CNTN4: variants seen among roughly 807,000 people sequenced by gnomAD.
CNTN4 encodes the protein contactin 4, also known as contactin-4.
A neutral mutation model predicts 122.5 loss-of-function variants in CNTN4; 77 were observed. That is an observed-to-expected ratio of 0.63 (90% CI 0.52 to 0.76). The LOEUF (loss-of-function observed/expected upper bound fraction) is 0.76, where lower values mean the gene tolerates loss of function less well. Ranked by LOEUF, CNTN4 falls within the 30% of genes least tolerant of loss-of-function variation. The pLI, the probability that CNTN4 is intolerant of heterozygous loss-of-function variation, is 0.00. For synonymous variants in CNTN4, 512 were observed against 447.0 expected (o/e 1.15, Z -1.83); for missense variants, 1,256 against 1,259.1 (o/e 1.00, Z 0.04).
intron 3 of CNTN4, among the ~76,000 whole-genome samples, chr3:2,560,681 C>G (rs79605684): frequency 0.061 from 9,319 of 152,190 alleles, 343 homozygotes; most frequent in Middle Eastern, 0.099. Flanking sequence ...TCTACAAAGA[C>G]CATTTATGTT....
At chr3:2,473,231 CA>C (rs769320613) in intron 3 of CNTN4, among the ~76,000 whole-genome samples, 7 of 51,362 alleles carry the variant, frequency 1.4e-4, no homozygotes, top group East Asian at 6.4e-4. Context: ...AACTCCATCT[CA>C]AAAAAAAAAA....
intron 3 of CNTN4, among the ~76,000 whole-genome samples, chr3:2,529,119 C>G (rs2077504251): frequency 6.6e-6 from 1 of 152,034 alleles, no homozygotes; most frequent in Admixed American, 6.6e-5. Flanking sequence ...CCCACTCTTC[C>G]CAGCCTCTAA....
At chr3:2,112,227 A>G (rs558631973) in intron 2 of CNTN4, among the ~76,000 whole-genome samples, 2 of 152,300 alleles carry the variant, frequency 1.3e-5, no homozygotes, top group African/African-American at 4.8e-5. Flanking sequence ...CCATCTTGCC[A>G]TCCTGTAAAA....
chr3:2,934,591 T>G (rs2094552098), intron 13 of CNTN4, among the ~76,000 whole-genome samples: 1 of 152,258 alleles, frequency 6.6e-6, no homozygotes, highest in South Asian at 2.1e-4. Flanking sequence ...AAGTAAAGTT[T>G]ATTGCTTCAG....
intron 13 of CNTN4, among the ~76,000 whole-genome samples, chr3:2,930,179 C>G (rs899378767): frequency 6.6e-6 from 1 of 152,178 alleles, no homozygotes; most frequent in Non-Finnish European, 1.5e-5. Flanking sequence ...CAGATGTCCC[C>G]CTTGTATCTG....
In CNTN4 at chr3:3,041,482, A is replaced by T. The variant is rs1464328767; in HGVS notation, c.2399-828A>T. 3.3e-5 allele frequency among the ~76,000 whole-genome samples: 5 copies of T among 152,364 alleles called. No homozygotes were observed. The East Asian group carries it at 9.6e-4, about 29-fold the overall frequency. The stretch of plus-strand genomic sequence containing the variant: ...ATTCAAGAGAGCTGGATGACACTTC[A>T]GGTTCACACTGCAATCTGTATGATC... On this transcript the variant is annotated intron_variant, in intron 20 of 24. Transcript: ENST00000418658.
At chr3:2,573,016 A>G (rs1249146005) in intron 4 of CNTN4, among the ~76,000 whole-genome samples, 1 of 152,186 alleles carries the variant, frequency 6.6e-6, no homozygotes, top group Non-Finnish European at 1.5e-5. Context: ...TGTATTAACT[A>G]TGAATATTAA....
At chr3:2,112,012 A>G (rs1212213636) in intron 2 of CNTN4, among the ~76,000 whole-genome samples, 1 of 152,100 alleles carries the variant, frequency 6.6e-6, no homozygotes, top group Non-Finnish European at 1.5e-5. Context: ...CTGTGTGGAG[A>G]CAGAGGAAGG....
chr3:2,357,493 A>G (rs573025168), intron 3 of CNTN4, among the ~76,000 whole-genome samples: 1 of 152,342 alleles, frequency 6.6e-6, no homozygotes, highest in African/African-American at 2.4e-5. Flanking sequence ...TCTAGTTTTC[A>G]GCTCTAGTAG....
At chr3:2,440,866 CATATATGTATAT>C (rs1178711369) in intron 3 of CNTN4, among the ~76,000 whole-genome samples, 1 of 143,796 alleles carries the variant, frequency 7.0e-6, no homozygotes, top group African/African-American at 2.6e-5. Flanking sequence ...ATATATCTAA[CATATATGTATAT>C]ATGTATATAT....
At chr3:2,678,928 C>T (rs535837592) in intron 4 of CNTN4, among the ~76,000 whole-genome samples, 18 of 146,426 alleles carry the variant, frequency 1.2e-4, no homozygotes, top group Middle Eastern at 3.5e-3. Flanking sequence ...GGTAAAAGTA[C>T]AGCTGTCATT....
intron 2 of CNTN4, among the ~76,000 whole-genome samples, chr3:2,227,920 T>G (rs2039346026): frequency 1.3e-5 from 2 of 152,146 alleles, no homozygotes; most frequent in Admixed American, 6.5e-5. Context: ...CAAAGTAAAT[T>G]TGTTTGCAGT....
rs563767718 is a variant in CNTN4, at chr3:2,585,531, C to A, written c.55+13973C>A. On this transcript the variant is annotated intron_variant, in intron 4 of 24. Coordinates refer to ENST00000418658, the MANE Select transcript of CNTN4 (RefSeq NM_175607.3). ...GCCATAAAAAATGATGAGTTCATGTCCTTTGTAGGGACATGGATGAAGCTG... is the reference window on the plus strand; with the variant it reads ...GCCATAAAAAATGATGAGTTCATGTACTTTGTAGGGACATGGATGAAGCTG... Among the ~76,000 whole-genome samples the A allele has an allele frequency of 2.0e-5, 3 of 152,064 alleles. No individual in the cohort carries two copies. In the East Asian group the frequency reaches 5.8e-4, roughly 29 times the overall value.
chr3:2,827,243 C>T (rs1028220028), intron 7 of CNTN4, among the ~76,000 whole-genome samples: 3 of 152,130 alleles, frequency 2.0e-5, no homozygotes, highest in Admixed American at 1.3e-4. Context: ...TCTCCTTACC[C>T]ATATCTGGGT....
At chr3:2,365,252 G>A (rs934224813) in intron 3 of CNTN4, among the ~76,000 whole-genome samples, 7 of 152,090 alleles carry the variant, frequency 4.6e-5, no homozygotes, top group African/African-American at 1.7e-4. Flanking sequence ...TGCACTCCCT[G>A]CGTAGTTCCT....
At chr3:2,178,838 A>G (rs767842413) in intron 2 of CNTN4, among the ~76,000 whole-genome samples, 1 of 152,088 alleles carries the variant, frequency 6.6e-6, no homozygotes, top group Non-Finnish European at 1.5e-5. Flanking sequence ...GATGGTGCAC[A>G]CAGGAAGAAA....
chr3:2,822,609 C>T lies in CNTN4; in HGVS notation c.454+3028C>T, dbSNP rs114041627. On this transcript the variant is annotated intron_variant, in intron 7 of 24. Coordinates refer to ENST00000418658, the MANE Select transcript of CNTN4 (RefSeq NM_175607.3). Reference sequence around the variant, plus strand: ...CCTTCATTGCATTAAGTTTTCATCACATGGCAGCAACCCTAAAAATTAATC... The same window carrying T: ...CCTTCATTGCATTAAGTTTTCATCATATGGCAGCAACCCTAAAAATTAATC... 3.3e-3 allele frequency among the ~76,000 whole-genome samples: 498 copies of T among 152,292 alleles called. 5 individuals are homozygous for T. Among genetic ancestry groups the T allele is most frequent in the African/African-American group, 0.011 (476 of 41,554 alleles).
intron 12 of CNTN4, among the ~76,000 whole-genome samples, chr3:2,903,970 G>C (rs2094202881): frequency 6.6e-6 from 1 of 151,664 alleles, no homozygotes. Flanking sequence ...TAATAGATTA[G>C]GTCAGTAAAG....
chr3:2,981,313 G>A (rs13094797), intron 13 of CNTN4, among the ~76,000 whole-genome samples: 49,788 of 149,466 alleles, frequency 0.33, 8,859 homozygotes, highest in African/African-American at 0.46. Context: ...GCGTGGTGGC[G>A]GGCGCCTGTA....
Sources: gnomAD v4.1 joint callset for allele counts (sites outside exome capture counted in the v4.1 genomes callset) on GRCh38, gnomAD v4.1.1 for gene constraint, MANE v1.5 for transcripts, NCBI Gene and HGNC (gene_info 2026-07-23, HGNC 2026-07-21) for gene names.